The following STK24 variants were observed in gnomAD, a reference collection of about 807,000 sequenced individuals.
STK24 encodes serine/threonine kinase 24.
A neutral mutation model predicts 55.6 loss-of-function variants in STK24; 21 were observed. The ratio of observed to expected loss-of-function variants is 0.38; its 90% confidence interval spans 0.27 to 0.54. The LOEUF is 0.54. STK24 is among the 20% of genes least tolerant of loss of function. The pLI is 0.79. For missense variants in STK24, 383 were observed against 538.4 expected, an observed-to-expected ratio of 0.71 and a Z score of 2.86; for synonymous variants, 200 against 215.2, an observed-to-expected ratio of 0.93 and a Z score of 0.62.
chr13:98,504,545 TAG>T (rs1895613135), intron 2 of STK24, among the ~76,000 whole-genome samples: 1 of 152,158 alleles, frequency 6.6e-6, no homozygotes, highest in South Asian at 2.1e-4. Context: ...AGAAGGGAAA[TAG>T]ACTCTTTCAA....
At chr13:98,478,157 G>T (rs1367190357) in intron 3 of STK24, among the ~76,000 whole-genome samples, 1 of 152,162 alleles carries the variant, frequency 6.6e-6, no homozygotes, top group East Asian at 1.9e-4. Context: ...GTCAGCAGCT[G>T]GTGTTCGCCA....
intron 2 of STK24, among the ~76,000 whole-genome samples, chr13:98,494,026 T>C (rs564644913): frequency 2.9e-4 from 44 of 150,652 alleles, no homozygotes; most frequent in Non-Finnish European, 5.3e-4. Context: ...GTATTTTTAG[T>C]ACAGACGGGG....
intron 9 of STK24, among the ~76,000 whole-genome samples, chr13:98,459,978 T>G (rs948440710): frequency 6.6e-6 from 1 of 152,134 alleles, no homozygotes. Context: ...AACATGTGGC[T>G]CAGGGGAAAC....
At chr13:98,564,861 G>C (rs773766320) in intron 1 of STK24, among the ~76,000 whole-genome samples, 1 of 152,112 alleles carries the variant, frequency 6.6e-6, no homozygotes, top group African/African-American at 2.4e-5. Context: ...GCAACATAGC[G>C]AGATTCCCAT....
intron 10 of STK24, chr13:98,456,615 T>G: frequency 2.1e-6 from 1 of 468,990 alleles, no homozygotes; most frequent in Non-Finnish European, 4.4e-6. Context: ...CACTGAGTCC[T>G]CACCCATAGT....
At position 98,469,542 on chromosome 13, in the gene STK24, C is replaced by G. The variant is rs60623094; in HGVS notation, c.598-2981G>C. ...CAGAGCAAGACCCTGCATCCCCCCC[C>G]CCAAAAAAAAAAGGCGGCGGGGGGA... On this transcript the variant is annotated intron_variant, in intron 5 of 10. Transcript: ENST00000539966. Among the ~76,000 whole-genome samples, 246 of 133,912 alleles carry G rather than the reference C, an allele frequency of 1.8e-3. 2 individuals are homozygous for G. Among genetic ancestry groups the G allele is most frequent in the African/African-American group, 6.0e-3 (232 of 38,972 alleles). The allele number at this position is 133,912 out of a possible 152,430, so 87.9% of individuals were successfully genotyped here. A position where few individuals can be genotyped will look rare whatever the true frequency, so the allele number is the denominator to read the frequency against.
At chr13:98,472,015 G>A (rs1894171446) in intron 5 of STK24, among the ~76,000 whole-genome samples, 3 of 152,176 alleles carry the variant, frequency 2.0e-5, no homozygotes, top group Admixed American at 1.3e-4. Context: ...TGAGACCAGA[G>A]CGGCCTCCAG....
chr13:98,569,413 C>CAAA (rs11316359), intron 1 of STK24, among the ~76,000 whole-genome samples: 2 of 127,142 alleles, frequency 1.6e-5, no homozygotes, highest in Admixed American at 8.0e-5. Flanking sequence ...ACAGCAGAGA[C>CAAA]AAAAAAAAAA....
At position 98,463,691 on chromosome 13, in the gene STK24, G is replaced by A. The variant is rs201143273; in HGVS notation, c.929C>T (p.Ala310Val). ...TTGGGTCACTCAGGGGCCGACTTAC[G>A]CGTCGGAATCCTCGGAGCTCGAGTC... Reference protein sequence around the residue: ...HDDSSSEDSDAETDGQASGGS... With the variant: ...HDDSSSEDSDVETDGQASGGS... Residue 310 changes from alanine to valine, a missense_variant and splice_region_variant, in exon 7 of 11, where the codon GCG becomes GTG. Ala to Val is a moderately conservative substitution (Grantham distance 64, BLOSUM62 0). Coordinates refer to ENST00000539966, the MANE Select transcript of STK24 (RefSeq NM_001032296.4). 4.8e-5 allele frequency: 78 copies of A among 1,613,122 alleles called. No individual in the cohort carries two copies. Among genetic ancestry groups the A allele is most frequent in the South Asian group, 2.0e-4 (18 of 91,016 alleles).
At chr13:98,566,338 T>C (rs1191086227) in intron 1 of STK24, among the ~76,000 whole-genome samples, 1 of 152,118 alleles carries the variant, frequency 6.6e-6, no homozygotes, top group African/African-American at 2.4e-5. Flanking sequence ...AATGTGACGG[T>C]CAGGAGGGCA....
At chr13:98,517,028 A>C (rs2139377130) in intron 2 of STK24, among the ~76,000 whole-genome samples, 1 of 152,360 alleles carries the variant, frequency 6.6e-6, no homozygotes, top group South Asian at 2.1e-4. Context: ...AGCCCATTCC[A>C]GCATGCAGTA....
At chr13:98,497,477 G>A (rs1895290323) in intron 2 of STK24, among the ~76,000 whole-genome samples, 1 of 152,208 alleles carries the variant, frequency 6.6e-6, no homozygotes. Context: ...CAGATACAGT[G>A]ACGATGCCCT....
At chr13:98,570,411 C>G (rs952720021) in intron 1 of STK24, among the ~76,000 whole-genome samples, 3 of 152,180 alleles carry the variant, frequency 2.0e-5, no homozygotes, top group African/African-American at 7.2e-5. Context: ...TTCTTTCAAA[C>G]CTTACGGCCT....
rs372924125 is a variant in STK24 at position 98,461,876 on chromosome 13, C to T, written c.951G>A (p.Ser317=). The T allele has an allele frequency of 4.7e-5, 76 of 1,613,946 alleles. No homozygotes were observed. The highest frequency in any genetic ancestry group is 5.8e-5 in the Non-Finnish European group (68 of 1,179,968). Residue 317 remains serine (S), a synonymous_variant, in exon 8 of 11, where the codon TCG becomes TCA. Coordinates refer to ENST00000539966, the MANE Select transcript of STK24 (RefSeq NM_001032296.4). Reference sequence around the variant, plus strand: ...TCCAGTCCCCAGAATCACTGCCCCCCGAGGCTTGGCCATCTGTTTCCCTTA... The same window carrying T: ...TCCAGTCCCCAGAATCACTGCCCCCTGAGGCTTGGCCATCTGTTTCCCTTA... ...DSDAETDGQA[S]GGSDSGDWIF...
At chr13:98,511,427 T>C (rs1823854794) in intron 2 of STK24, among the ~76,000 whole-genome samples, 1 of 152,196 alleles carries the variant, frequency 6.6e-6, no homozygotes, top group Non-Finnish European at 1.5e-5. Flanking sequence ...AAATAGAAAT[T>C]AAATACCTAT....
chr13:98,465,098 G>A (rs1182931738), intron 6 of STK24, among the ~76,000 whole-genome samples: 2 of 152,186 alleles, frequency 1.3e-5, no homozygotes, highest in African/African-American at 4.8e-5. Context: ...TAGTGACAGG[G>A]AATGTGCTTC....
intron 3 of STK24, among the ~76,000 whole-genome samples, chr13:98,480,654 C>T (rs1200444359): frequency 2.6e-5 from 4 of 152,002 alleles, no homozygotes; most frequent in African/African-American, 9.7e-5. Context: ...AAATTGGGTA[C>T]GTTAGCCTTC....
intron 1 of STK24, chr13:98,521,777 T>C: frequency 1.3e-6 from 1 of 781,076 alleles, no homozygotes; most frequent in South Asian, 1.3e-5. Context: ...TCCCTTACCG[T>C]GCTCCCTCCA....
chr13:98,548,861 CAAAAAAAAA>C (rs55793722), intron 1 of STK24, among the ~76,000 whole-genome samples: 5 of 37,798 alleles, frequency 1.3e-4, no homozygotes, highest in Admixed American at 5.9e-4. Flanking sequence ...GACTCTGTCT[CAAAAAAAAA>C]AAAAAAAAAA....
Sources: allele counts gnomAD v4.1 joint callset (sites outside exome capture counted in the v4.1 genomes callset), GRCh38; gene constraint gnomAD v4.1.1; transcripts MANE v1.5; gene names NCBI Gene and HGNC (gene_info 2026-07-23, HGNC 2026-07-21).